The following STK35 variants were observed in gnomAD, a reference collection of about 807,000 sequenced individuals.
STK35 encodes the protein serine/threonine kinase 35.
In STK35, 17 loss-of-function variants were observed where a neutral mutation model predicts 37.3. The observed-to-expected ratio is 0.46, with a 90% confidence interval of 0.31 to 0.68. The LOEUF (loss-of-function observed/expected upper bound fraction) is 0.68. Ranked by LOEUF, STK35 falls within the 30% of genes least tolerant of loss-of-function variation. STK35 has a pLI of 0.05. For synonymous variants in STK35, 385 were observed against 319.1 expected (o/e 1.21, Z -2.20); for missense variants, 595 against 746.7 (o/e 0.80, Z 2.37).
At chr20:2,130,561 C>T (rs1985982333) in intron 3 of STK35, among the ~76,000 whole-genome samples, 1 of 152,134 alleles carries the variant, frequency 6.6e-6, no homozygotes, top group Non-Finnish European at 1.5e-5. Context: ...GGGCAGCTCT[C>T]CAGTGTGGGC....
chr20:2,142,053 C>A (rs764964805), intron 3 of STK35, among the ~76,000 whole-genome samples: 2 of 152,322 alleles, frequency 1.3e-5, no homozygotes, highest in African/African-American at 4.8e-5. Context: ...CTTCCAGAAG[C>A]CTTATCCCCT....
At position 2,101,891 on chromosome 20, in the gene STK35, C is replaced by A. The variant is rs1985391620; in HGVS notation, c.10C>A (p.Gln4Lys). MGH[Q>K]ESPLARAPAG... ...GCTGGCGTCCCGGGGGATGGGCCACCAGGAGTCTCCGCTGGCCCGGGCGCC... is the reference window on the plus strand; with the variant it reads ...GCTGGCGTCCCGGGGGATGGGCCACAAGGAGTCTCCGCTGGCCCGGGCGCC... The change falls in exon 1 of 4, where the codon CAG (glutamine) becomes AAG (lysine). Residue 4 changes from glutamine to lysine, a missense_variant. Physicochemically the swap from Gln to Lys is moderately conservative, Grantham distance 53 (BLOSUM62 1). Coordinates refer to ENST00000381482, the MANE Select transcript of STK35 (RefSeq NM_080836.4). The A allele has an allele frequency of 6.2e-6, 9 of 1,442,236 alleles. No homozygotes were observed. The highest frequency in any genetic ancestry group is 8.2e-6 in the Non-Finnish European group (9 of 1,093,628). The allele number at this position is 1,442,236 out of a possible 1,614,324, so 89.3% of individuals were successfully genotyped here. A position where few individuals can be genotyped will look rare whatever the true frequency, so the allele number is the denominator to read the frequency against.
intron 2 of STK35, among the ~76,000 whole-genome samples, chr20:2,104,548 C>T (rs182192889): frequency 6.6e-6 from 1 of 152,240 alleles, no homozygotes; most frequent in Admixed American, 6.5e-5. Context: ...AGGCCTGGAT[C>T]CTTTCGAAGG....
Position 2,107,450 on chromosome 20 carries a change from C to T in STK35, c.892+4085C>T, listed in dbSNP as rs139825207. On this transcript the variant is annotated intron_variant, in intron 2 of 3. Coordinates refer to ENST00000381482, the MANE Select transcript of STK35 (RefSeq NM_080836.4). The stretch of plus-strand genomic sequence containing the variant: ...AGGCCTTGGAAAGTAATCTTGCCTG[C>T]ACACCAAGTGGCTTTGAGCCAGGCT... 1.9e-3 allele frequency among the ~76,000 whole-genome samples: 297 copies of T among 152,332 alleles called. 2 individuals carry two copies. Among genetic ancestry groups the T allele is most frequent in the Middle Eastern group, 0.01 (3 of 294 alleles).
chr20:2,103,200 C>A lies in STK35; in HGVS notation c.727C>A (p.Leu243Met), dbSNP rs764688760. Reference protein sequence around the residue: ...IRCDAPENVELALAEFWALTS... With the variant: ...IRCDAPENVEMALAEFWALTS... ...CTGCGACGCCCCCGAGAACGTGGAG[C>A]TGGCGCTGGCTGAATTCTGGGCCCT... The change falls in exon 2 of 4, where the codon CTG (leucine) becomes ATG (methionine). Residue 243 changes from leucine to methionine, a missense_variant. Physicochemically the swap from Leu to Met is conservative, Grantham distance 15. Around this residue, in one of 3 missense-constraint regions of STK35, gnomAD observed 97 missense variants for 146.4 expected, o/e 0.66. Coordinates refer to ENST00000381482, the MANE Select transcript of STK35 (RefSeq NM_080836.4). 1 of 1,610,764 alleles carries A rather than the reference C, an allele frequency of 6.2e-7. No individual in the cohort carries two copies. The highest frequency in any genetic ancestry group is 8.5e-7 in the Non-Finnish European group (1 of 1,179,568).
intron 3 of STK35, among the ~76,000 whole-genome samples, chr20:2,123,358 C>T (rs6075670): frequency 1.3e-5 from 2 of 152,182 alleles, no homozygotes; most frequent in Non-Finnish European, 2.9e-5. Context: ...TATCCCTGGC[C>T]TGGGGTCCAA....
At chr20:2,123,795 C>T (rs542108616) in intron 3 of STK35, among the ~76,000 whole-genome samples, 3 of 152,252 alleles carry the variant, frequency 2.0e-5, no homozygotes, top group South Asian at 2.1e-4. Flanking sequence ...CTTCCTGGCC[C>T]AGCTCTCAGG....
chr20:2,111,834 G>T (rs547381438), intron 2 of STK35, among the ~76,000 whole-genome samples: 1 of 152,236 alleles, frequency 6.6e-6, no homozygotes, highest in East Asian at 1.9e-4. Flanking sequence ...CAGACTACTC[G>T]TGTCCCTGGC....
intron 3 of STK35, among the ~76,000 whole-genome samples, chr20:2,132,249 A>C (rs1202375576): frequency 6.6e-6 from 1 of 152,230 alleles, no homozygotes; most frequent in East Asian, 1.9e-4. Context: ...AGGAGCTCAG[A>C]AAAGGGAGCT....
chr20:2,142,051 A>G (rs1986180370), intron 3 of STK35, among the ~76,000 whole-genome samples: 1 of 152,250 alleles, frequency 6.6e-6, no homozygotes, highest in African/African-American at 2.4e-5. Context: ...ACCTTCCAGA[A>G]GCCTTATCCC....
chr20:2,134,165 C>G (rs977070051), intron 3 of STK35, among the ~76,000 whole-genome samples: 2 of 150,408 alleles, frequency 1.3e-5, no homozygotes, highest in Non-Finnish European at 2.9e-5. Context: ...GAGGCTGAAG[C>G]AGGAGAATCG....
chr20:2,106,088 A>G (rs758620289), intron 2 of STK35, among the ~76,000 whole-genome samples: 1 of 152,226 alleles, frequency 6.6e-6, no homozygotes, highest in Non-Finnish European at 1.5e-5. Flanking sequence ...TTTTTCAAGT[A>G]GTAAATAGGT....
chr20:2,126,441 C>T (rs1203924402), intron 3 of STK35, among the ~76,000 whole-genome samples: 2 of 151,872 alleles, frequency 1.3e-5, no homozygotes, highest in Non-Finnish European at 2.9e-5. Context: ...AGGTGGGATG[C>T]GCAGGAGCCA....
At chr20:2,104,116 G>A (rs1283507724) in intron 2 of STK35, among the ~76,000 whole-genome samples, 1 of 152,208 alleles carries the variant, frequency 6.6e-6, no homozygotes, top group East Asian at 1.9e-4. Context: ...ATTGAGGCAA[G>A]AGGTCTTGCA....
intron 2 of STK35, among the ~76,000 whole-genome samples, chr20:2,114,582 C>T (rs1425843227): frequency 6.6e-6 from 1 of 152,212 alleles, no homozygotes; most frequent in African/African-American, 2.4e-5. Flanking sequence ...AACAGCCCCT[C>T]CTGTAGCATC....
chr20:2,111,963 G>A (rs1173014539), intron 2 of STK35, among the ~76,000 whole-genome samples: 1 of 152,134 alleles, frequency 6.6e-6, no homozygotes, highest in Non-Finnish European at 1.5e-5. Context: ...AACTCTTCTG[G>A]CAGATCCGGG....
At chr20:2,139,153 A>G (rs1352637480) in intron 3 of STK35, among the ~76,000 whole-genome samples, 1 of 152,168 alleles carries the variant, frequency 6.6e-6, no homozygotes, top group East Asian at 1.9e-4. Flanking sequence ...AAGGAGGTGA[A>G]CACGTGAGCC....
chr20:2,146,240 G>A lies in STK35; in HGVS notation c.*2494G>A, dbSNP rs1986264988. On this transcript the variant is annotated 3_prime_UTR_variant, in exon 4 of 4. Transcript: ENST00000381482. ...GGGCTCCGCCGTGGTGAGAGAACTG[G>A]CCGTGGCTCAGCCCCGGGTAGCACC... 1 of 152,238 alleles carries A rather than the reference G, an allele frequency of 6.6e-6. No homozygotes were observed. Among genetic ancestry groups the A allele is most frequent in the Non-Finnish European group, 1.5e-5 (1 of 68,084 alleles). 9.4% of individuals were successfully genotyped at this position (152,238 alleles called of 1,614,324 possible).
At chr20:2,126,913 C>T (rs1196557170) in intron 3 of STK35, among the ~76,000 whole-genome samples, 1 of 152,132 alleles carries the variant, frequency 6.6e-6, no homozygotes, top group Non-Finnish European at 1.5e-5. Context: ...TGTCTAGGGA[C>T]ATGGGAGGAA....
Sources: allele counts gnomAD v4.1 joint callset (sites outside exome capture counted in the v4.1 genomes callset), GRCh38; gene constraint gnomAD v4.1.1; regional missense constraint gnomAD v4.1.1; transcripts MANE v1.5; gene names NCBI Gene and HGNC (gene_info 2026-07-23, HGNC 2026-07-21).